ARL15: variants seen among roughly 807,000 people sequenced by gnomAD.
ARL15 encodes ARF like GTPase 15.
ARL15 carries 19 observed loss-of-function variants against 25.2 expected under a neutral mutation model. The ratio of observed to expected loss-of-function variants is 0.75; its 90% CI spans 0.53 to 1.10. The LOEUF is 1.10. Among genes scored for constraint, ARL15 ranks in the 50% least tolerant of loss-of-function variants. The pLI, the probability that ARL15 is intolerant of heterozygous loss-of-function variation, is 0.00. For missense variants in ARL15, 220 were observed against 246.0 expected, an observed-to-expected ratio of 0.89 and a Z score of 0.71; for synonymous variants, 94 against 86.8, an observed-to-expected ratio of 1.08 and a Z score of -0.46.
chr5:54,100,263 T>C (rs780473746), intron 4 of ARL15, among the ~76,000 whole-genome samples: 2 of 152,054 alleles, frequency 1.3e-5, no homozygotes, highest in Admixed American at 6.6e-5. Context: ...CTGGGAAAGA[T>C]ACACACCAAC....
intron 1 of ARL15, among the ~76,000 whole-genome samples, chr5:54,230,270 C>A (rs754267213): frequency 8.7e-5 from 13 of 149,874 alleles, no homozygotes; most frequent in Non-Finnish European, 1.8e-4. Flanking sequence ...TCGCTTGAAC[C>A]GGCAGGCGGA....
intron 4 of ARL15, among the ~76,000 whole-genome samples, chr5:54,054,863 C>A (rs937629232): frequency 6.6e-6 from 1 of 152,016 alleles, no homozygotes; most frequent in Non-Finnish European, 1.5e-5. Context: ...TGTCAAATGG[C>A]CACAACCTAC....
intron 4 of ARL15, among the ~76,000 whole-genome samples, chr5:53,896,778 T>C (rs1744888099): frequency 6.6e-6 from 1 of 152,238 alleles, no homozygotes; most frequent in Admixed American, 6.5e-5. Context: ...TTACAGGTTG[T>C]GAGCCACCGC....
intron 1 of ARL15, among the ~76,000 whole-genome samples, chr5:54,307,131 G>A (rs1455625089): frequency 6.6e-6 from 1 of 152,162 alleles, no homozygotes; most frequent in African/African-American, 2.4e-5. Context: ...ATCATGGAAA[G>A]GGGAAAAGTT....
At chr5:53,993,867 A>G (rs1374466592) in intron 4 of ARL15, among the ~76,000 whole-genome samples, 3 of 152,218 alleles carry the variant, frequency 2.0e-5, no homozygotes, top group Non-Finnish European at 4.4e-5. Flanking sequence ...GGAAAATTCC[A>G]GTTTCATTAA....
At chr5:54,269,109 A>G (rs1310089472) in intron 1 of ARL15, among the ~76,000 whole-genome samples, 1 of 152,112 alleles carries the variant, frequency 6.6e-6, no homozygotes, top group African/African-American at 2.4e-5. Flanking sequence ...TTTAGGAGAT[A>G]TACCTAATGC....
In ARL15 at chr5:53,954,015, T is replaced by C. The variant is rs1454646261; in HGVS notation, c.463-67302A>G. 5.9e-5 allele frequency among the ~76,000 whole-genome samples: 9 copies of C among 152,014 alleles called. No individual in the cohort carries two copies. The East Asian group carries it at 9.7e-4, about 16-fold the overall frequency. On this transcript the variant is annotated intron_variant, in intron 4 of 4. Coordinates refer to ENST00000504924, the MANE Select transcript of ARL15 (RefSeq NM_019087.3). ...ATTCTATTTTCAAAACCTGAGATTA[T>C]TGATTTTCAGATCTTTAGTTGAATA...
chr5:54,133,034 T>C (rs1470474718), intron 3 of ARL15, among the ~76,000 whole-genome samples: 7 of 152,212 alleles, frequency 4.6e-5, no homozygotes, highest in Non-Finnish European at 1.0e-4. Flanking sequence ...CTATGTAAAT[T>C]TTCTAATAAG....
chr5:53,973,195 C>A (rs1747807716), intron 4 of ARL15, among the ~76,000 whole-genome samples: 1 of 151,548 alleles, frequency 6.6e-6, no homozygotes, highest in Middle Eastern at 3.4e-3. Flanking sequence ...AAATTTACAG[C>A]AGATATAAAC....
chr5:54,287,185 C>A (rs1292520221), intron 1 of ARL15, among the ~76,000 whole-genome samples: 1 of 152,050 alleles, frequency 6.6e-6, no homozygotes, highest in African/African-American at 2.4e-5. Context: ...TGGCCCAGAG[C>A]ATCCTTAATG....
intron 4 of ARL15, among the ~76,000 whole-genome samples, chr5:53,992,877 T>C (rs1310625879): frequency 6.6e-6 from 1 of 151,988 alleles, no homozygotes. Flanking sequence ...AGAAACCCTG[T>C]CTCTACTAAA....
intron 1 of ARL15, among the ~76,000 whole-genome samples, chr5:54,216,057 C>G (rs1325306806): frequency 6.6e-6 from 1 of 152,074 alleles, no homozygotes; most frequent in Non-Finnish European, 1.5e-5. Context: ...TTTTGTCCAC[C>G]CTCATCCTAT....
intron 4 of ARL15, among the ~76,000 whole-genome samples, chr5:53,948,001 A>G (rs972503040): frequency 6.6e-6 from 1 of 152,170 alleles, no homozygotes; most frequent in Non-Finnish European, 1.5e-5. Context: ...ACACCAGTGG[A>G]AAAAAATGAG....
intron 4 of ARL15, among the ~76,000 whole-genome samples, chr5:54,067,739 C>T (rs953147425): frequency 3.3e-5 from 5 of 152,168 alleles, no homozygotes; most frequent in Admixed American, 6.5e-5. Context: ...TTGCCTGGCA[C>T]GTAGTGAGCA....
chr5:53,946,055 T>C (rs1308492202), intron 4 of ARL15, among the ~76,000 whole-genome samples: 1 of 152,232 alleles, frequency 6.6e-6, no homozygotes, highest in Non-Finnish European at 1.5e-5. Flanking sequence ...AATTTCAGTT[T>C]CCTCATGTAT....
chr5:54,021,583 A>C (rs1006200755), intron 4 of ARL15, among the ~76,000 whole-genome samples: 3 of 152,186 alleles, frequency 2.0e-5, no homozygotes, highest in African/African-American at 7.2e-5. Context: ...CAATCTGAAC[A>C]ACAAAGAGAA....
intron 4 of ARL15, among the ~76,000 whole-genome samples, chr5:54,087,376 C>T (rs957406223): frequency 6.6e-6 from 1 of 152,014 alleles, no homozygotes; most frequent in African/African-American, 2.4e-5. Flanking sequence ...CATGGTACTG[C>T]CGAGATCTTG....
intron 4 of ARL15, among the ~76,000 whole-genome samples, chr5:54,062,669 T>A (rs537984128): frequency 6.6e-6 from 1 of 152,338 alleles, no homozygotes; most frequent in African/African-American, 2.4e-5. Flanking sequence ...ATTAATCTTC[T>A]TTCTTTTATA....
In ARL15 at chr5:54,231,707, T is replaced by C. The variant is rs535574755; in HGVS notation, c.49-59779A>G. Among the ~76,000 whole-genome samples the C allele has an allele frequency of 3.5e-4, 53 of 152,292 alleles. 1 individual carries two copies. The highest frequency in any genetic ancestry group is 1.2e-3 in the African/African-American group (51 of 41,554). On this transcript the variant is annotated intron_variant, in intron 1 of 4. Coordinates refer to ENST00000504924, the MANE Select transcript of ARL15 (RefSeq NM_019087.3). ...AGAGGGTTCAGTTTCTGATGAGGGCTCTATTTCTGGCTAGCAAACCATTAC... is the reference window on the plus strand; with the variant it reads ...AGAGGGTTCAGTTTCTGATGAGGGCCCTATTTCTGGCTAGCAAACCATTAC...
Sources: allele counts gnomAD v4.1 joint callset (sites outside exome capture counted in the v4.1 genomes callset), GRCh38; gene constraint gnomAD v4.1.1; transcripts MANE v1.5; gene names NCBI Gene and HGNC (gene_info 2026-07-23, HGNC 2026-07-21).